The following CARF variants were observed in gnomAD, a reference collection of about 807,000 sequenced individuals.
CARF encodes calcium-responsive transcription factor.
A neutral mutation model predicts 82.0 loss-of-function variants in CARF; 57 were observed. The ratio of observed to expected loss-of-function variants is 0.70; its 90% CI spans 0.56 to 0.87. The LOEUF is 0.87. CARF is among the 40% of genes least tolerant of loss of function. The pLI, the probability that CARF is intolerant of heterozygous loss-of-function variation, is 0.00. For synonymous variants in CARF, 268 were observed against 290.1 expected, an observed-to-expected ratio of 0.92 and a Z score of 0.77; for missense variants, 771 against 855.8, an observed-to-expected ratio of 0.90 and a Z score of 1.24.
chr2:202,929,070 T>TC (rs1208172955), intron 3 of CARF, among the ~76,000 whole-genome samples: 1 of 152,190 alleles, frequency 6.6e-6, no homozygotes, highest in Non-Finnish European at 1.5e-5. Flanking sequence ...AGCTCATTTG[T>TC]CCATTTCTAA....
chr2:202,964,941 C>T (rs1487024223), intron 9 of CARF, among the ~76,000 whole-genome samples: 1 of 149,914 alleles, frequency 6.7e-6, no homozygotes, highest in Non-Finnish European at 1.5e-5. Flanking sequence ...TGTGATCACA[C>T]TTAATAAGAA....
chr2:202,975,873 C>A (rs1385281316), intron 13 of CARF, among the ~76,000 whole-genome samples: 1 of 151,582 alleles, frequency 6.6e-6, no homozygotes, highest in African/African-American at 2.4e-5. Flanking sequence ...AGTGAAACCC[C>A]ATTTCTACCA....
intron 13 of CARF, among the ~76,000 whole-genome samples, chr2:202,976,524 G>C (rs188628890): frequency 2.0e-5 from 3 of 152,140 alleles, no homozygotes; most frequent in Non-Finnish European, 4.4e-5. Context: ...AGTCATCTCT[G>C]TGAAAATTTT....
At position 202,986,881 on chromosome 2, in the gene CARF, T is replaced by TATATACATATATATATATATATATATAC. The variant is rs1275966136; in HGVS notation, c.*3262_*3263insCATATATATATATATATATATACATATA. On this transcript the variant is annotated 3_prime_UTR_variant, in exon 17 of 17. Transcript: ENST00000438828. ...AAATGTCTGTGCGTATATATATATATATATATATATATATATATATATATA... is the reference window on the plus strand; with the variant it reads ...AAATGTCTGTGCGTATATATATATATATATACATATATATATATATATATATACATATATATATATATATATATATATA... 4 of 118,604 alleles carry TATATACATATATATATATATATATATAC rather than the reference T, an allele frequency of 3.4e-5. No homozygotes were observed. Among genetic ancestry groups the TATATACATATATATATATATATATATAC allele is most frequent in the Admixed American group, 1.7e-4 (2 of 11,440 alleles). 7.3% of individuals were successfully genotyped at this position (118,604 alleles called of 1,614,324 possible). A position where few individuals can be genotyped will look rare whatever the true frequency, so the allele number is the denominator to read the frequency against.
At chr2:202,915,356 C>A (rs1689437228) in intron 1 of CARF, among the ~76,000 whole-genome samples, 1 of 152,044 alleles carries the variant, frequency 6.6e-6, no homozygotes, top group Non-Finnish European at 1.5e-5. Flanking sequence ...AATGCAGTGG[C>A]ATGATCTCAT....
At chr2:202,963,270 A>C (rs1271331029) in intron 9 of CARF, 1 of 151,584 alleles carries the variant, frequency 6.6e-6, no homozygotes, top group East Asian at 1.9e-4. Flanking sequence ...GTGAGCCGAG[A>C]TCATGCCACT....
At chr2:202,982,658 C>T (rs546808778) in intron 16 of CARF, among the ~76,000 whole-genome samples, 3 of 151,904 alleles carry the variant, frequency 2.0e-5, no homozygotes, top group Admixed American at 6.6e-5. Context: ...TATTTAGTAC[C>T]GTAGAAATTA....
At chr2:202,924,559 A>G (rs569067033) in intron 3 of CARF, 144 bp downstream of exon 3, 2 of 152,276 alleles carry the variant, frequency 1.3e-5, no homozygotes, top group Admixed American at 6.5e-5. Flanking sequence ...TCTCAGCTCC[A>G]TCTCGAATCT....
chr2:202,917,210 C>CAAAAA (rs71034203), intron 1 of CARF, among the ~76,000 whole-genome samples: 5 of 47,002 alleles, frequency 1.1e-4, no homozygotes, highest in Admixed American at 3.7e-4. Context: ...GACTCCGTCT[C>CAAAAA]AAAAAAAAAA....
rs1395046732 is a variant in CARF, at chr2:202,924,422, G to A, written c.-44+7G>A. ...ATTTGCTATCTGGTGTGAGGTAAGG[G>A]TCAAGGTTTATTGTTTTACATACGG... On this transcript the variant is annotated splice_region_variant and intron_variant, in intron 3 of 16. Coordinates refer to ENST00000438828, the MANE Select transcript of CARF (RefSeq NM_024744.17). The A allele has an allele frequency of 6.6e-6, 1 of 152,144 alleles. No individual in the cohort carries two copies. Among genetic ancestry groups the A allele is most frequent in the Non-Finnish European group, 1.5e-5 (1 of 68,030 alleles). 9.4% of individuals were successfully genotyped at this position (152,144 alleles called of 1,614,324 possible). A position where few individuals can be genotyped will look rare whatever the true frequency, so the allele number is the denominator to read the frequency against.
At chr2:202,946,040 G>T (rs983060870) in intron 5 of CARF, among the ~76,000 whole-genome samples, 7 of 152,064 alleles carry the variant, frequency 4.6e-5, no homozygotes, top group African/African-American at 1.7e-4. Flanking sequence ...TTGTGGTTTT[G>T]ATTTGCATTT....
chr2:202,913,661 T>C (rs566371234), intron 1 of CARF, among the ~76,000 whole-genome samples: 3 of 152,328 alleles, frequency 2.0e-5, no homozygotes, highest in Non-Finnish European at 4.4e-5. Context: ...ATTAAATAAG[T>C]CTTGGGCATC....
chr2:202,932,125 G>A (rs998984260), intron 3 of CARF, among the ~76,000 whole-genome samples: 1 of 151,820 alleles, frequency 6.6e-6, no homozygotes, highest in African/African-American at 2.4e-5. Context: ...CTTAAACAAC[G>A]AGATCTCACT....
chr2:202,916,430 C>G (rs939491717), intron 1 of CARF, among the ~76,000 whole-genome samples: 2 of 152,072 alleles, frequency 1.3e-5, no homozygotes, highest in Non-Finnish European at 2.9e-5. Flanking sequence ...ATCTGCCCAC[C>G]TTGGCCTCCC....
chr2:202,956,772 G>A (rs950933778), intron 8 of CARF, among the ~76,000 whole-genome samples: 3 of 151,866 alleles, frequency 2.0e-5, no homozygotes, highest in Non-Finnish European at 4.4e-5. Context: ...CCACATTTAG[G>A]TAGTCACCAG....
At chr2:202,939,327 A>G (rs563511446) in intron 3 of CARF, among the ~76,000 whole-genome samples, 4 of 152,204 alleles carry the variant, frequency 2.6e-5, no homozygotes, top group Non-Finnish European at 4.4e-5. Context: ...TGGCGATGGC[A>G]TTACATCTGG....
intron 5 of CARF, among the ~76,000 whole-genome samples, chr2:202,944,214 G>A (rs1476825658): frequency 6.6e-6 from 1 of 152,126 alleles, no homozygotes; most frequent in Non-Finnish European, 1.5e-5. Context: ...GAGCCAAAGA[G>A]GTGAAAGATT....
intron 12 of CARF, among the ~76,000 whole-genome samples, chr2:202,972,382 A>G (rs1046217863): frequency 1.3e-5 from 2 of 152,048 alleles, no homozygotes; most frequent in African/African-American, 4.8e-5. Flanking sequence ...TAATTGGCTT[A>G]AGAGGCAGTG....
chr2:202,944,060 T>C (rs1167036177), intron 5 of CARF, among the ~76,000 whole-genome samples: 1 of 152,192 alleles, frequency 6.6e-6, no homozygotes, highest in African/African-American at 2.4e-5. Flanking sequence ...ACTACTAGTA[T>C]ATGGGGAATT....
Sources: allele counts gnomAD v4.1 joint callset (sites outside exome capture counted in the v4.1 genomes callset), GRCh38; gene constraint gnomAD v4.1.1; transcripts MANE v1.5; gene names NCBI Gene and HGNC (gene_info 2026-07-23, HGNC 2026-07-21).